The following PCDH9 variants were observed in gnomAD, a reference collection of about 807,000 sequenced individuals.
The protein encoded by PCDH9 is protocadherin 9, also known as protocadherin-9.
PCDH9 carries 24 observed loss-of-function variants against 70.6 expected under a neutral mutation model. The observed-to-expected ratio is 0.34, with a 90% CI of 0.25 to 0.48. PCDH9 has a LOEUF of 0.48. Ranked by LOEUF, PCDH9 falls within the 20% of genes least tolerant of loss-of-function variation. PCDH9 has a pLI of 0.99. For synonymous variants in PCDH9, 562 were observed against 558.5 expected, an observed-to-expected ratio of 1.01 and a Z score of -0.09; for missense variants, 1,281 against 1,503.6, an observed-to-expected ratio of 0.85 and a Z score of 2.45.
At chr13:67,180,106 G>A (rs1471039798) in intron 2 of PCDH9, among the ~76,000 whole-genome samples, 1 of 152,102 alleles carries the variant, frequency 6.6e-6, no homozygotes, top group Non-Finnish European at 1.5e-5. Flanking sequence ...GCCTTGGAAG[G>A]TAGATGAAAG....
At chr13:66,779,871 A>ATGTGTGTG (rs1451103072) in intron 3 of PCDH9, among the ~76,000 whole-genome samples, 6 of 18,824 alleles carry the variant, frequency 3.2e-4, no homozygotes, top group Non-Finnish European at 3.8e-4. Flanking sequence ...ATATATACAT[A>ATGTGTGTG]TATGTGTGTG....
At chr13:66,810,831 G>T (rs2080491086) in intron 3 of PCDH9, among the ~76,000 whole-genome samples, 1 of 151,678 alleles carries the variant, frequency 6.6e-6, no homozygotes, top group Non-Finnish European at 1.5e-5. Context: ...AGCTGAATGT[G>T]TGTGTACATA....
intron 4 of PCDH9, among the ~76,000 whole-genome samples, chr13:66,542,491 AAAG>A (rs1400504724): frequency 2.0e-5 from 3 of 151,942 alleles, no homozygotes; most frequent in East Asian, 3.9e-4. Context: ...ATTTTCTGGG[AAAG>A]AAGAAGTTCT....
intron 3 of PCDH9, among the ~76,000 whole-genome samples, chr13:66,707,338 T>C (rs1027732534): frequency 6.6e-6 from 1 of 152,188 alleles, no homozygotes; most frequent in African/African-American, 2.4e-5. Context: ...TTTACCATAT[T>C]GAAAGAGACA....
At chr13:66,649,645 G>A (rs2077822496) in intron 3 of PCDH9, among the ~76,000 whole-genome samples, 1 of 152,024 alleles carries the variant, frequency 6.6e-6, no homozygotes, top group Non-Finnish European at 1.5e-5. Flanking sequence ...GTAATAGTAA[G>A]TAACGGAAAA....
At chr13:67,153,911 T>C (rs1441033735) in intron 2 of PCDH9, among the ~76,000 whole-genome samples, 1 of 152,222 alleles carries the variant, frequency 6.6e-6, no homozygotes. Flanking sequence ...CAGTCTCATC[T>C]GGGCTTGCGA....
At chr13:66,889,897 T>C (rs1347060649) in intron 3 of PCDH9, among the ~76,000 whole-genome samples, 3 of 152,116 alleles carry the variant, frequency 2.0e-5, no homozygotes, top group Non-Finnish European at 4.4e-5. Flanking sequence ...TGTGAAGCCA[T>C]GGGGATGATG....
At chr13:66,519,014 G>A (rs1287776219) in intron 4 of PCDH9, among the ~76,000 whole-genome samples, 1 of 152,112 alleles carries the variant, frequency 6.6e-6, no homozygotes, top group Admixed American at 6.5e-5. Flanking sequence ...CTGGATTCAC[G>A]TGGAAAGACT....
At chr13:66,870,817 G>C (rs1359308028) in intron 3 of PCDH9, among the ~76,000 whole-genome samples, 2 of 152,102 alleles carry the variant, frequency 1.3e-5, no homozygotes, top group South Asian at 2.1e-4. Flanking sequence ...AACCATTGTG[G>C]AAGTCAGTGT....
At chr13:66,764,736 C>T (rs1414199886) in intron 3 of PCDH9, among the ~76,000 whole-genome samples, 2 of 151,948 alleles carry the variant, frequency 1.3e-5, no homozygotes, top group African/African-American at 2.4e-5. Context: ...AAGAAGTGAT[C>T]ACCAAGGCCA....
intron 2 of PCDH9, among the ~76,000 whole-genome samples, chr13:67,094,323 C>A (rs1594503413): frequency 6.6e-6 from 1 of 152,268 alleles, no homozygotes; most frequent in Admixed American, 6.5e-5. Context: ...CAAAACCCTT[C>A]TTGCTGGTGT....
In PCDH9 at chr13:66,321,057, G is replaced by A. The variant is rs191804579; in HGVS notation, c.3341-16029C>T. Among the ~76,000 whole-genome samples the A allele has an allele frequency of 1.0e-3, 158 of 152,044 alleles. 2 individuals carry two copies. The highest frequency in any genetic ancestry group is 1.9e-3 in the Non-Finnish European group (129 of 67,996). On this transcript the variant is annotated intron_variant, in intron 4 of 4. Transcript: ENST00000377865. ...ATTGGATATGCTACAAACACCTCAG[G>A]CAGAGCTTAAGACATATACCAGGCC...
chr13:66,683,297 G>A (rs2078353945), intron 3 of PCDH9, among the ~76,000 whole-genome samples: 1 of 152,140 alleles, frequency 6.6e-6, no homozygotes, highest in South Asian at 2.1e-4. Context: ...TAACTGACAA[G>A]TCATGCTTGT....
chr13:66,895,296 C>A (rs2082159139), intron 3 of PCDH9, among the ~76,000 whole-genome samples: 1 of 152,160 alleles, frequency 6.6e-6, no homozygotes, highest in African/African-American at 2.4e-5. Context: ...TGGGATCTCA[C>A]AGTTTTCAAT....
intron 2 of PCDH9, among the ~76,000 whole-genome samples, chr13:67,160,381 T>C (rs998934769): frequency 1.8e-4 from 27 of 151,946 alleles, no homozygotes; most frequent in African/African-American, 6.5e-4. Flanking sequence ...CTGTATCTAC[T>C]AAAAATACAA....
At chr13:66,888,741 T>C (rs1385104265) in intron 3 of PCDH9, among the ~76,000 whole-genome samples, 2 of 152,104 alleles carry the variant, frequency 1.3e-5, no homozygotes, top group Non-Finnish European at 2.9e-5. Context: ...GAAAGTATCA[T>C]GCAATTTTAC....
intron 2 of PCDH9, among the ~76,000 whole-genome samples, chr13:66,918,386 C>G (rs1028632195): frequency 6.6e-6 from 1 of 151,084 alleles, no homozygotes. Flanking sequence ...TTCTTATAAC[C>G]AGAAGTGTGT....
intron 4 of PCDH9, among the ~76,000 whole-genome samples, chr13:66,535,570 T>G (rs994006034): frequency 2.0e-5 from 3 of 152,120 alleles, no homozygotes; most frequent in Non-Finnish European, 4.4e-5. Flanking sequence ...ATATATAAAG[T>G]ATCAATTTGT....
chr13:66,892,038 T>C (rs1329135526), intron 3 of PCDH9, among the ~76,000 whole-genome samples: 1 of 151,772 alleles, frequency 6.6e-6, no homozygotes, highest in Non-Finnish European at 1.5e-5. Context: ...AAACTTGAAA[T>C]ATTATAATAA....
Sources: gnomAD v4.1 joint callset for allele counts (sites outside exome capture counted in the v4.1 genomes callset) on GRCh38, gnomAD v4.1.1 for gene constraint, MANE v1.5 for transcripts, NCBI Gene and HGNC (gene_info 2026-07-23, HGNC 2026-07-21) for gene names.